The following CPAMD8 variants were observed in gnomAD, a reference collection of about 807,000 sequenced individuals.
CPAMD8 encodes the protein C3 and PZP-like alpha-2-macroglobulin domain-containing protein 8.
A neutral mutation model predicts 224.7 loss-of-function variants in CPAMD8; 146 were observed. That is an observed-to-expected ratio of 0.65 (90% confidence interval 0.57 to 0.75). CPAMD8 has a LOEUF of 0.75. Among genes scored for constraint, CPAMD8 ranks in the 30% least tolerant of loss-of-function variants. CPAMD8 has a pLI of 0.00. For missense variants in CPAMD8, 2,301 were observed against 2,537.5 expected (o/e 0.91, Z 2.00); for synonymous variants, 966 against 1,044.6 (o/e 0.92, Z 1.45).
chr19:16,898,821 T>G lies in CPAMD8; in HGVS notation c.4848+654A>C, dbSNP rs535500649. 5.3e-5 allele frequency among the ~76,000 whole-genome samples: 8 copies of G among 152,226 alleles called. No homozygotes were observed. The South Asian group carries it at 1.5e-3, about 28-fold the overall frequency. On this transcript the variant is annotated intron_variant, in intron 37 of 41. Coordinates refer to ENST00000443236, the MANE Select transcript of CPAMD8 (RefSeq NM_015692.5). The surrounding 1 kb of genome is among the most constrained non-coding windows in gnomAD (Gnocchi z 4.2). ...GATGGATAATATCCACTGCGGCCCC[T>G]CCCTGCTTTTTCTACCAACTGCCAT...
At chr19:17,016,031 TCTC>T (rs1326950321) in intron 3 of CPAMD8, among the ~76,000 whole-genome samples, 3 of 152,060 alleles carry the variant, frequency 2.0e-5, no homozygotes, top group African/African-American at 7.3e-5. Context: ...GCAACCTCGA[TCTC>T]CTGGACTCAA....
Position 16,975,106 on chromosome 19 carries a change from A to G in CPAMD8, c.2061T>C (p.Phe687=). 3.1e-6 allele frequency: 5 copies of G among 1,612,300 alleles called. No individual in the cohort carries two copies. The highest frequency in any genetic ancestry group is 3.4e-6 in the Non-Finnish European group (4 of 1,179,782). Residue 687 remains phenylalanine (F), a synonymous_variant, in exon 17 of 42, where the codon TTT becomes TTC. Transcript: ENST00000443236. ...GACCACCTCTCCTTACGGTGAAGGCAAACCCAGAGTCCTTGGTGATGCCCC... is the reference window on the plus strand; with the variant it reads ...GACCACCTCTCCTTACGGTGAAGGCGAACCCAGAGTCCTTGGTGATGCCCC... ...WPWGITKDSG[F]AFTETGLVVM... is the part of the protein sequence containing the mutation.
intron 17 of CPAMD8, among the ~76,000 whole-genome samples, chr19:16,972,548 C>A (rs900692996): frequency 2.6e-5 from 4 of 152,062 alleles, no homozygotes; most frequent in African/African-American, 9.7e-5. Context: ...TTCTCTCCTG[C>A]CTCATTCTCC....
intron 29 of CPAMD8, among the ~76,000 whole-genome samples, chr19:16,913,481 G>A (rs137882728): frequency 6.6e-6 from 1 of 152,288 alleles, no homozygotes; most frequent in African/African-American, 2.4e-5. Flanking sequence ...GAAGGTGGCA[G>A]TCAACAAATC....
chr19:16,943,185 T>A, intron 22 of CPAMD8, among the ~76,000 whole-genome samples: 1 of 147,922 alleles, frequency 6.8e-6, no homozygotes, highest in East Asian at 2.1e-4. Flanking sequence ...CCAGCTAATT[T>A]TTGTATTTTT....
At position 16,902,977 on chromosome 19, in the gene CPAMD8, T is replaced by G. The variant is rs1321009668; in HGVS notation, c.4471-114A>C. 7 of 638,244 alleles carry G rather than the reference T, an allele frequency of 1.1e-5. No individual in the cohort carries two copies. In the East Asian group the frequency reaches 1.9e-4, roughly 17 times the overall value. The allele number at this position is 638,244 out of a possible 1,614,324, so 39.5% of individuals were successfully genotyped here. On this transcript the variant is annotated intron_variant, in intron 34 of 41. Transcript: ENST00000443236. ...GGAACAGCCAGAATTATGAGGACAATGACATCCATGACAGTTTTAGAGACT... is the reference window on the plus strand; with the variant it reads ...GGAACAGCCAGAATTATGAGGACAAGGACATCCATGACAGTTTTAGAGACT...
At chr19:16,902,477 A>G (rs2052299411) in intron 35 of CPAMD8, among the ~76,000 whole-genome samples, 172 bp downstream of exon 35, 1 of 152,116 alleles carries the variant, frequency 6.6e-6, no homozygotes, top group Admixed American at 6.6e-5. Context: ...AGATCGCACC[A>G]TTGCACTCCA....
chr19:16,924,202 C>T (rs1250233173), intron 26 of CPAMD8, among the ~76,000 whole-genome samples: 1 of 151,420 alleles, frequency 6.6e-6, no homozygotes, highest in Non-Finnish European at 1.5e-5. Flanking sequence ...CGTTCTAAGC[C>T]ACCCGGTTTG....
In CPAMD8 at chr19:16,901,312, G is replaced by GGA. The variant is rs762202474; in HGVS notation, c.4686-17_4686-16dup. The stretch of plus-strand genomic sequence containing the variant: ...CATGCAGCCACCTTCCAACAACAGG[G>GGA]GAGAGAGAGAGGCCCTAGAGCTCAA... On this transcript the variant is annotated splice_polypyrimidine_tract_variant and intron_variant, in intron 35 of 41. Coordinates refer to ENST00000443236, the MANE Select transcript of CPAMD8 (RefSeq NM_015692.5). 28 of 1,568,376 alleles carry GGA rather than the reference G, an allele frequency of 1.8e-5. No individual in the cohort carries two copies. The highest frequency in any genetic ancestry group is 2.7e-5 in the African/African-American group (2 of 74,004).
intron 11 of CPAMD8, among the ~76,000 whole-genome samples, chr19:16,996,866 T>C (rs1302827850): frequency 6.6e-6 from 1 of 150,620 alleles, no homozygotes; most frequent in Non-Finnish European, 1.5e-5. Flanking sequence ...AGGACTGCCT[T>C]AGAGCAGTTG....
chr19:17,020,694 G>A (rs966527590), intron 2 of CPAMD8, among the ~76,000 whole-genome samples: 2 of 152,176 alleles, frequency 1.3e-5, no homozygotes, highest in South Asian at 2.1e-4. Context: ...AGAGGAACAA[G>A]GAGAAGGGTG....
chr19:17,001,430 G>C (rs1363326953), intron 9 of CPAMD8, among the ~76,000 whole-genome samples: 1 of 151,908 alleles, frequency 6.6e-6, no homozygotes, highest in Non-Finnish European at 1.5e-5. Flanking sequence ...GAGCAGCCTT[G>C]GGGGAGAGGG....
intron 10 of CPAMD8, among the ~76,000 whole-genome samples, chr19:16,999,584 CCAAA>C (rs1251431073): frequency 5.3e-5 from 5 of 94,954 alleles, no homozygotes; most frequent in South Asian, 3.0e-4. Context: ...GACTCCATCT[CCAAA>C]AAAAAAAAAA....
intron 22 of CPAMD8, among the ~76,000 whole-genome samples, chr19:16,945,117 G>A (rs1312363685): frequency 6.6e-6 from 1 of 152,152 alleles, no homozygotes; most frequent in Non-Finnish European, 1.5e-5. Flanking sequence ...TGGATTCATA[G>A]CTGGGGGTCT....
At chr19:16,950,989 C>G (rs2054281500) in intron 20 of CPAMD8, among the ~76,000 whole-genome samples, 1 of 152,066 alleles carries the variant, frequency 6.6e-6, no homozygotes, top group Non-Finnish European at 1.5e-5. Flanking sequence ...GAGACTAGGA[C>G]AGCAGCCTTT....
In CPAMD8 at chr19:16,999,390, C is replaced by G. The variant is rs909537773; in HGVS notation, c.867+1024G>C. Among the ~76,000 whole-genome samples, 11 of 151,888 alleles carry G rather than the reference C, an allele frequency of 7.2e-5. 1 individual carries two copies. Among genetic ancestry groups the G allele is most frequent in the African/African-American group, 2.4e-4 (10 of 41,412 alleles). On this transcript the variant is annotated intron_variant, in intron 10 of 41. Transcript: ENST00000443236. ...CGTCAGGAGATCGAGACCATCCTAGCTAATACAGTGAAACCCCGTCTCTAC... is the reference window on the plus strand; with the variant it reads ...CGTCAGGAGATCGAGACCATCCTAGGTAATACAGTGAAACCCCGTCTCTAC...
At chr19:16,945,728 G>T in intron 21 of CPAMD8, 49 bp from the exon 22 acceptor site, 1 of 1,589,838 alleles carries the variant, frequency 6.3e-7, no homozygotes, top group Non-Finnish European at 8.6e-7. Context: ...CACCCAAGAT[G>T]GGGGCTGTCC....
intron 17 of CPAMD8, among the ~76,000 whole-genome samples, chr19:16,974,640 C>T (rs1599821927): frequency 6.6e-6 from 1 of 152,124 alleles, no homozygotes; most frequent in African/African-American, 2.4e-5. Flanking sequence ...GAAGAATCTA[C>T]TTGTGAGCTT....
intron 18 of CPAMD8, among the ~76,000 whole-genome samples, chr19:16,959,960 T>G (rs2054597959): frequency 1.3e-5 from 2 of 152,086 alleles, no homozygotes; most frequent in East Asian, 3.9e-4. Flanking sequence ...CTTGGCAGAG[T>G]CCATCTTTAA....
Sources: gnomAD v4.1 joint callset for allele counts (sites outside exome capture counted in the v4.1 genomes callset) on GRCh38, gnomAD v4.1.1 for gene constraint, Gnocchi (gnomAD v3.1) non-coding constraint, MANE v1.5 for transcripts, NCBI Gene and HGNC (gene_info 2026-07-23, HGNC 2026-07-21) for gene names.